ANK3: variants seen among roughly 807,000 people sequenced by gnomAD.
ANK3 encodes the protein ankyrin-3.
Under a neutral mutation model 370.9 loss-of-function variants are expected in ANK3, and 57 were observed. That is an observed-to-expected ratio of 0.15 (90% CI 0.12 to 0.19). The LOEUF (loss-of-function observed/expected upper bound fraction) is 0.19, where lower values mean the gene tolerates loss of function less well. ANK3 is among the 10% of genes least tolerant of loss of function. The pLI, the probability that ANK3 is intolerant of heterozygous loss-of-function variation, is 1.00. For missense variants in ANK3, 4,439 were observed against 5,302.1 expected (o/e 0.84, Z 5.06); for synonymous variants, 1,929 against 1,946.3 (o/e 0.99, Z 0.23).
Position 60,732,957 on chromosome 10 carries a change from C to T in ANK3, c.57+306G>A, listed in dbSNP as rs371355607. 4.0e-4 allele frequency among the ~76,000 whole-genome samples: 60 copies of T among 151,846 alleles called. No individual in the cohort carries two copies. The East Asian group carries it at 4.1e-3, about 10-fold the overall frequency. On this transcript the variant is annotated intron_variant, in intron 1 of 43. Coordinates refer to the ANK3 transcript ENST00000373827. ...CGGGGCCCGCTTTTCTTTTTCCAGA[C>T]GAATGTTTCCAAGCAGAAGCCCCAA...
At chr10:60,379,980 T>C (rs2061340889) in intron 1 of ANK3, among the ~76,000 whole-genome samples, 1 of 151,854 alleles carries the variant, frequency 6.6e-6, no homozygotes, top group African/African-American at 2.4e-5. Flanking sequence ...TATGTACATT[T>C]GTCAATTAAA....
intron 1 of ANK3, among the ~76,000 whole-genome samples, chr10:60,636,482 C>T (rs1169620571): frequency 6.6e-6 from 1 of 152,138 alleles, no homozygotes; most frequent in Non-Finnish European, 1.5e-5. Context: ...TTTTTCAGTA[C>T]AAAATACCTA....
chr10:60,150,692 C>G (rs1348402753), intron 23 of ANK3, among the ~76,000 whole-genome samples: 1 of 152,076 alleles, frequency 6.6e-6, no homozygotes, highest in African/African-American at 2.4e-5. Context: ...GCCACCTCCT[C>G]CTCTCTCTCT....
At chr10:60,725,580 G>T (rs1219523348) in intron 1 of ANK3, among the ~76,000 whole-genome samples, 1 of 152,094 alleles carries the variant, frequency 6.6e-6, no homozygotes, top group Non-Finnish European at 1.5e-5. Context: ...AGCTCCCTAA[G>T]AACCAGGAAT....
rs370255740 is a variant in ANK3 at position 60,638,645 on chromosome 10, T to C, written c.58-23421A>G. ...AATATTATAAATATTCTCAAGCCTA[T>C]AAAGGAAAATACAACCATAATAAAG... On this transcript the variant is annotated intron_variant, in intron 1 of 43. Coordinates refer to the ANK3 transcript ENST00000373827. Among the ~76,000 whole-genome samples the C allele has an allele frequency of 3.9e-4, 60 of 152,014 alleles. No individual in the cohort carries two copies. The South Asian group carries it at 0.012, about 31-fold the overall frequency.
In ANK3 at chr10:60,264,750, C is replaced by T. The variant is rs1335001867; in HGVS notation, c.514-730G>A. ...GATTTTTAAAAACTGAGATGTATGT[C>T]TGTCTGGTTCATTACTGTGCCCTGT... On this transcript the variant is annotated intron_variant, in intron 5 of 43. Transcript: ENST00000280772. Among the ~76,000 whole-genome samples the T allele has an allele frequency of 2.0e-5, 3 of 152,012 alleles. No individual in the cohort carries two copies. The East Asian group carries it at 5.8e-4, about 29-fold the overall frequency.
chr10:60,420,060 A>C (rs1441288739), intron 2 of ANK3, among the ~76,000 whole-genome samples: 2 of 152,116 alleles, frequency 1.3e-5, no homozygotes, highest in African/African-American at 4.8e-5. Flanking sequence ...GACGCCATTA[A>C]GCAAAACATT....
chr10:60,490,752 C>T (rs2075476029), intron 2 of ANK3, among the ~76,000 whole-genome samples: 1 of 152,208 alleles, frequency 6.6e-6, no homozygotes, highest in South Asian at 2.1e-4. Context: ...GCTCCCACTT[C>T]CCTTGCTATT....
chr10:60,732,481 G>T (rs1178866997), intron 1 of ANK3, among the ~76,000 whole-genome samples: 1 of 152,166 alleles, frequency 6.6e-6, no homozygotes, highest in South Asian at 2.1e-4. Context: ...GGTTTTGCTC[G>T]TCAGGCAACC....
chr10:60,456,686 C>A (rs188842622), intron 2 of ANK3, among the ~76,000 whole-genome samples: 2 of 152,248 alleles, frequency 1.3e-5, no homozygotes, highest in African/African-American at 4.8e-5. Flanking sequence ...TCATTCTTGA[C>A]CCTCATCAGC....
chr10:60,086,256 C>A (rs2086659014), intron 30 of ANK3, among the ~76,000 whole-genome samples: 1 of 152,128 alleles, frequency 6.6e-6, no homozygotes, highest in Non-Finnish European at 1.5e-5. Context: ...ATTACTAGTG[C>A]TCTGTGGGAC....
intron 2 of ANK3, among the ~76,000 whole-genome samples, chr10:60,535,112 T>C (rs1163491843): frequency 6.6e-6 from 1 of 152,142 alleles, no homozygotes; most frequent in Non-Finnish European, 1.5e-5. Context: ...CTATTCAGCA[T>C]TGCCACTAGC....
chr10:60,211,892 C>CAAAAAAAAAAAAAAAAAAAAAAAAA (rs72238553), intron 9 of ANK3, among the ~76,000 whole-genome samples: 1 of 93,400 alleles, frequency 1.1e-5, no homozygotes, highest in Non-Finnish European at 2.0e-5. Flanking sequence ...AATACAGAGC[C>CAAAAAAAAAAAAAAAAAAAAAAAAA]AAAAAAAAAA....
At chr10:60,665,915 TG>T (rs1402619848) in intron 1 of ANK3, among the ~76,000 whole-genome samples, 23 of 152,168 alleles carry the variant, frequency 1.5e-4, no homozygotes, top group African/African-American at 5.5e-4. Flanking sequence ...AATTAACAAG[TG>T]TTGGTAAAGA....
At chr10:60,335,066 GT>G (rs556252363) in intron 1 of ANK3, among the ~76,000 whole-genome samples, 1 of 152,056 alleles carries the variant, frequency 6.6e-6, no homozygotes, top group Non-Finnish European at 1.5e-5. Flanking sequence ...CTTACACCAT[GT>G]TGAGAAAATG....
intron 2 of ANK3, among the ~76,000 whole-genome samples, chr10:60,590,617 G>T (rs896948649): frequency 2.0e-5 from 3 of 152,186 alleles, no homozygotes; most frequent in Admixed American, 6.5e-5. Flanking sequence ...CATAAGTATA[G>T]TTCATGAGTC....
intron 1 of ANK3, among the ~76,000 whole-genome samples, chr10:60,326,953 G>A (rs753563450): frequency 8.5e-4 from 129 of 151,550 alleles, no homozygotes; most frequent in Admixed American, 2.8e-3. Flanking sequence ...CCAGGAGGCG[G>A]AGCTTGTAGT....
At chr10:60,361,742 T>C (rs2058642684) in intron 1 of ANK3, among the ~76,000 whole-genome samples, 2 of 152,222 alleles carry the variant, frequency 1.3e-5, no homozygotes, top group African/African-American at 4.8e-5. Context: ...CTTTTTGTCC[T>C]GATTTTCCAT....
intron 1 of ANK3, among the ~76,000 whole-genome samples, chr10:60,310,505 T>A (rs1021030414): frequency 6.6e-6 from 1 of 152,308 alleles, no homozygotes; most frequent in Non-Finnish European, 1.5e-5. Flanking sequence ...AAATTATGCA[T>A]GATTTGAATA....
Sources: gnomAD v4.1 joint callset for allele counts (sites outside exome capture counted in the v4.1 genomes callset) on GRCh38, gnomAD v4.1.1 for gene constraint, MANE v1.5 for transcripts, NCBI Gene and HGNC (gene_info 2026-07-23, HGNC 2026-07-21) for gene names.